The following CBLB variants were observed in gnomAD, a reference collection of about 807,000 sequenced individuals.
The protein encoded by CBLB is E3 ubiquitin-protein ligase CBL-B.
In CBLB, 31 loss-of-function variants were observed where a neutral mutation model predicts 104.9. That is an observed-to-expected ratio of 0.30 (90% CI 0.22 to 0.40). CBLB has a LOEUF of 0.40. Among genes scored for constraint, CBLB ranks in the 10% least tolerant of loss-of-function variants. CBLB has a pLI of 1.00. For missense variants in CBLB, 1,062 were observed against 1,214.6 expected (o/e 0.87, Z 1.87); for synonymous variants, 440 against 422.6 (o/e 1.04, Z -0.51).
intron 4 of CBLB, among the ~76,000 whole-genome samples, chr3:105,753,014 A>C (rs777824093): frequency 6.6e-6 from 1 of 152,230 alleles, no homozygotes; most frequent in Non-Finnish European, 1.5e-5. Context: ...ATCACACTTT[A>C]GGGACAGAAG....
At chr3:105,768,632 A>G (rs1411356733) in intron 4 of CBLB, among the ~76,000 whole-genome samples, 1 of 152,236 alleles carries the variant, frequency 6.6e-6, no homozygotes, top group Non-Finnish European at 1.5e-5. Context: ...ACTCTAATAA[A>G]TGTGTCTGTT....
In CBLB at chr3:105,825,520, C is replaced by T. The variant is rs764975307; in HGVS notation, c.419+27894G>A. On this transcript the variant is annotated intron_variant, in intron 3 of 18. Transcript: ENST00000394030. ...AGGAGAGGAGTCAGGCTCAGTAACT[C>T]ATAATTGTCCTCTGTGACTACAGCA... Among the ~76,000 whole-genome samples, 116 of 152,168 alleles carry T rather than the reference C, an allele frequency of 7.6e-4. 1 individual carries two copies. Among genetic ancestry groups the T allele is most frequent in the Non-Finnish European group, 2.8e-4 (19 of 68,034 alleles).
chr3:105,865,014 T>C (rs2092344027), intron 2 of CBLB, among the ~76,000 whole-genome samples: 1 of 152,196 alleles, frequency 6.6e-6, no homozygotes, highest in Non-Finnish European at 1.5e-5. Context: ...CAATTAGACT[T>C]GAAAATTGCT....
intron 4 of CBLB, among the ~76,000 whole-genome samples, chr3:105,756,453 T>C (rs2077093289): frequency 6.6e-6 from 1 of 152,086 alleles, no homozygotes; most frequent in Admixed American, 6.5e-5. Flanking sequence ...CATACACCCA[T>C]ACACAGAGAT....
intron 18 of CBLB, among the ~76,000 whole-genome samples, chr3:105,663,724 T>C (rs1276451396): frequency 3.3e-5 from 5 of 152,122 alleles, no homozygotes; most frequent in Admixed American, 6.6e-5. Flanking sequence ...CTCTAGGTCA[T>C]ACATTCTAGA....
intron 3 of CBLB, among the ~76,000 whole-genome samples, chr3:105,779,043 A>G (rs1291837771): frequency 2.6e-5 from 4 of 152,216 alleles, no homozygotes; most frequent in East Asian, 1.9e-4. Context: ...CAATTGATAC[A>G]TACAAAAGAA....
intron 3 of CBLB, among the ~76,000 whole-genome samples, chr3:105,834,794 G>A (rs974949069): frequency 6.6e-6 from 1 of 152,158 alleles, no homozygotes; most frequent in Non-Finnish European, 1.5e-5. Context: ...CCGACAATAA[G>A]AGCACAGATT....
chr3:105,709,717 T>C (rs2070770108), intron 10 of CBLB, among the ~76,000 whole-genome samples: 1 of 151,954 alleles, frequency 6.6e-6, no homozygotes, highest in Admixed American at 6.6e-5. Flanking sequence ...TCTTTAACCA[T>C]ATATGTGCTA....
chr3:105,850,815 T>G (rs182708477), intron 3 of CBLB, among the ~76,000 whole-genome samples: 94 of 152,266 alleles, frequency 6.2e-4, no homozygotes, highest in Non-Finnish European at 1.5e-4. Flanking sequence ...CATCCGCAGA[T>G]TCAATCAAAC....
chr3:105,837,184 A>G (rs1213242549), intron 3 of CBLB, among the ~76,000 whole-genome samples: 3 of 152,224 alleles, frequency 2.0e-5, no homozygotes, highest in Non-Finnish European at 4.4e-5. Flanking sequence ...TAAGACTTAA[A>G]AAACATTGTG....
At position 105,669,052 on chromosome 3, in the gene CBLB, A is replaced by G. The variant is rs187633405; in HGVS notation, c.2689+1181T>C. Among the ~76,000 whole-genome samples the G allele has an allele frequency of 1.9e-3, 278 of 143,520 alleles. 2 individuals carry two copies. In the East Asian group the frequency reaches 0.03, roughly 16 times the overall value. The allele number at this position is 143,520 out of a possible 152,430, so 94.2% of individuals were successfully genotyped here. A position where few individuals can be genotyped will look rare whatever the true frequency, so the allele number is the denominator to read the frequency against. On this transcript the variant is annotated intron_variant, in intron 18 of 18. Coordinates refer to ENST00000394030, the MANE Select transcript of CBLB (RefSeq NM_170662.5). ...CAGCTATTCTTCCCTCCTTTTGCCT[A>G]TTTGTCCACTCAAATCCATCCATCC... is the stretch of plus-strand genomic sequence containing the variant.
chr3:105,771,350 C>T (rs2078853301), intron 4 of CBLB, among the ~76,000 whole-genome samples: 1 of 151,738 alleles, frequency 6.6e-6, no homozygotes, highest in African/African-American at 2.4e-5. Flanking sequence ...CTTTATAATC[C>T]CTCAACAAAA....
At position 105,774,169 on chromosome 3, in the gene CBLB, AAATG is replaced by A. The variant is rs1234658243; in HGVS notation, c.566+2223_566+2226del. Among the ~76,000 whole-genome samples the A allele has an allele frequency of 4.5e-4, 68 of 152,364 alleles. 1 individual carries two copies. Among genetic ancestry groups the A allele is most frequent in the African/African-American group, 1.6e-3 (67 of 41,596 alleles). Reference sequence around the variant, plus strand: ...CAAGTTTAAAGGCACTGGTTGGGCTAAATGAAAGCATTCTTACATGGCCTCAATG... The same window carrying A: ...CAAGTTTAAAGGCACTGGTTGGGCTAAAAGCATTCTTACATGGCCTCAATG... On this transcript the variant is annotated intron_variant, in intron 4 of 18. Coordinates refer to ENST00000394030, the MANE Select transcript of CBLB (RefSeq NM_170662.5).
chr3:105,745,797 C>G, intron 6 of CBLB, 120 bp downstream of exon 6: 1 of 902,366 alleles, frequency 1.1e-6, no homozygotes, highest in Non-Finnish European at 1.8e-6. Flanking sequence ...GGTCTTTTAC[C>G]TTTTCTAGCC....
chr3:105,726,965 G>C (rs545760311), intron 9 of CBLB, among the ~76,000 whole-genome samples: 2 of 152,262 alleles, frequency 1.3e-5, no homozygotes, highest in African/African-American at 4.8e-5. Context: ...ATGGACATTT[G>C]GGTTGGTTCC....
rs868734406 is a variant in CBLB at position 105,685,443 on chromosome 3, G to T, written c.2078C>A (p.Ser693Tyr). The T allele has an allele frequency of 6.2e-7, 1 of 1,613,372 alleles. No homozygotes were observed. The highest frequency in any genetic ancestry group is 8.5e-7 in the Non-Finnish European group (1 of 1,179,510). The change falls in exon 14 of 19, where the codon TCT becomes TAT. Residue 693 changes from serine (S) to tyrosine (Y), a missense_variant. By Grantham distance (144) the Ser-to-Tyr change is moderately radical. This residue lies in a region of CBLB where 605 missense variants were observed against 582.6 expected (regional missense o/e 1.04). Coordinates refer to ENST00000394030, the MANE Select transcript of CBLB (RefSeq NM_170662.5). Reference protein sequence around the residue: ...SIKCTGPLANSLSEKTRDPVE... With the variant: ...SIKCTGPLANYLSEKTRDPVE... The stretch of plus-strand genomic sequence containing the variant: ...TGGGTCTCTTGTTTTCTCTGAAAGA[G>T]AATTTGCTAACGGACCAGTACACCT...
At chr3:105,820,328 T>G (rs1345371143) in intron 3 of CBLB, among the ~76,000 whole-genome samples, 1 of 152,188 alleles carries the variant, frequency 6.6e-6, no homozygotes, top group African/African-American at 2.4e-5. Context: ...ATGCTGTACG[T>G]CCAGTTCCTG....
At chr3:105,792,768 C>G (rs992934247) in intron 3 of CBLB, among the ~76,000 whole-genome samples, 3 of 152,072 alleles carry the variant, frequency 2.0e-5, no homozygotes, top group African/African-American at 7.2e-5. Context: ...CTGCCTAATT[C>G]GAGAAAGGAG....
At chr3:105,718,789 G>A (rs2072315540) in intron 10 of CBLB, among the ~76,000 whole-genome samples, 1 of 152,144 alleles carries the variant, frequency 6.6e-6, no homozygotes, top group African/African-American at 2.4e-5. Context: ...CACCATATAT[G>A]AAGACCTTTC....
Sources: allele counts gnomAD v4.1 joint callset (sites outside exome capture counted in the v4.1 genomes callset), GRCh38; gene constraint gnomAD v4.1.1; regional missense constraint gnomAD v4.1.1; transcripts MANE v1.5; gene names NCBI Gene and HGNC (gene_info 2026-07-23, HGNC 2026-07-21).